The following PLD5 variants were observed in gnomAD, a reference collection of about 807,000 sequenced individuals.
PLD5 encodes phospholipase D family member 5.
In PLD5, 36 loss-of-function variants were observed where a neutral mutation model predicts 61.1. The observed-to-expected ratio is 0.59, with a 90% confidence interval of 0.45 to 0.78. The LOEUF is 0.78. Ranked by LOEUF, PLD5 falls within the 30% of genes least tolerant of loss-of-function variation. The probability of loss-of-function intolerance (pLI) is 0.00; values close to 1 mark genes in which losing one functional copy is unlikely to be tolerated. For synonymous variants in PLD5, 243 were observed against 242.8 expected (o/e 1.00, Z -0.01); for missense variants, 515 against 644.4 (o/e 0.80, Z 2.17).
rs192304701 is a variant in PLD5 at position 242,162,204 on chromosome 1, G to A, written c.736-37539C>T. Among the ~76,000 whole-genome samples the A allele has an allele frequency of 5.3e-5, 8 of 152,248 alleles. No individual in the cohort carries two copies. The East Asian group carries it at 1.5e-3, about 29-fold the overall frequency. On this transcript the variant is annotated intron_variant, in intron 5 of 9. Transcript: ENST00000536534. Reference sequence around the variant, plus strand: ...TGTCAAAAGATTGACATCACAGAACGAAAGAACCAGGAACACTGGAAGCAG... The same window carrying A: ...TGTCAAAAGATTGACATCACAGAACAAAAGAACCAGGAACACTGGAAGCAG...
Position 242,186,498 on chromosome 1 carries a change from A to AT in PLD5, c.735+33489dup, listed in dbSNP as rs199898063. 6.9e-3 allele frequency among the ~76,000 whole-genome samples: 1,048 copies of AT among 151,970 alleles called. 13 individuals are homozygous for AT. Among genetic ancestry groups the AT allele is most frequent in the African/African-American group, 0.023 (974 of 41,450 alleles). On this transcript the variant is annotated intron_variant, in intron 5 of 9. Transcript: ENST00000536534. The stretch of plus-strand genomic sequence containing the variant: ...ATACCTGGCCTGGGCTGTAAGGAAT[A>AT]TATTTTTTTTAAAGTTTCTTTAAAA...
intron 1 of PLD5, among the ~76,000 whole-genome samples, chr1:242,352,985 G>C (rs1297337289): frequency 6.6e-6 from 1 of 152,054 alleles, no homozygotes; most frequent in Admixed American, 6.6e-5. Flanking sequence ...CTAATCCCTA[G>C]GTTGTGTCTT....
intron 1 of PLD5, among the ~76,000 whole-genome samples, chr1:242,444,509 T>G (rs1003717231): frequency 6.6e-6 from 1 of 151,226 alleles, no homozygotes; most frequent in African/African-American, 2.4e-5. Flanking sequence ...ACTCATTACC[T>G]TCAAGCTTCT....
At chr1:242,443,738 C>T (rs930503219) in intron 1 of PLD5, among the ~76,000 whole-genome samples, 2 of 152,168 alleles carry the variant, frequency 1.3e-5, no homozygotes, top group Admixed American at 6.5e-5. Context: ...TTTAAAGTTG[C>T]AGTCAAGGCT....
At chr1:242,197,683 G>A (rs1018986441) in intron 5 of PLD5, among the ~76,000 whole-genome samples, 1 of 150,076 alleles carries the variant, frequency 6.7e-6, no homozygotes, top group Non-Finnish European at 1.5e-5. Flanking sequence ...CCCCCAGGCT[G>A]GAATGCAATG....
intron 1 of PLD5, among the ~76,000 whole-genome samples, chr1:242,453,382 A>T (rs1181438049): frequency 6.6e-6 from 1 of 152,228 alleles, no homozygotes; most frequent in Admixed American, 6.5e-5. Flanking sequence ...TAGCAGCCTA[A>T]ATAGGCTAAG....
chr1:242,417,424 C>CAGAAATTACCACCCTTGTTCT (rs1196209620), intron 1 of PLD5, among the ~76,000 whole-genome samples: 59 of 152,158 alleles, frequency 3.9e-4, no homozygotes, highest in African/African-American at 1.4e-3. Context: ...TCTCACAACC[C>CAGAAATTACCACCCTTGTTCT]AGAAATTACC....
chr1:242,451,242 C>T (rs988180200), intron 1 of PLD5, among the ~76,000 whole-genome samples: 8 of 152,120 alleles, frequency 5.3e-5, no homozygotes, highest in African/African-American at 1.4e-4. Context: ...CAAGGTGCAG[C>T]GTTATTCTTT....
intron 1 of PLD5, among the ~76,000 whole-genome samples, chr1:242,437,949 G>C (rs1413873475): frequency 1.3e-5 from 2 of 152,202 alleles, no homozygotes; most frequent in Middle Eastern, 3.2e-3. Flanking sequence ...GCAACAAATG[G>C]TGCTATCGTA....
intron 1 of PLD5, among the ~76,000 whole-genome samples, chr1:242,408,787 G>A (rs73130397): frequency 0.041 from 6,226 of 152,136 alleles, 428 homozygotes; most frequent in African/African-American, 0.14. Flanking sequence ...TAGAAAAAGC[G>A]GCCAGGCACA....
At chr1:242,254,819 T>A (rs1391046197) in intron 4 of PLD5, among the ~76,000 whole-genome samples, 1 of 152,230 alleles carries the variant, frequency 6.6e-6, no homozygotes, top group Non-Finnish European at 1.5e-5. Flanking sequence ...ATTACGCTGC[T>A]AATTATCACT....
At chr1:242,130,673 G>C (rs79105663) in intron 5 of PLD5, among the ~76,000 whole-genome samples, 1 of 151,960 alleles carries the variant, frequency 6.6e-6, no homozygotes, top group Admixed American at 6.6e-5. Context: ...TCTGCCTGGC[G>C]ATAGGTTGCT....
chr1:242,443,373 C>G (rs892995576), intron 1 of PLD5, among the ~76,000 whole-genome samples: 1 of 152,164 alleles, frequency 6.6e-6, no homozygotes, highest in African/African-American at 2.4e-5. Flanking sequence ...TAGATATGCT[C>G]TCCTTATATC....
At chr1:242,499,309 T>TA (rs1668477042) in intron 1 of PLD5, among the ~76,000 whole-genome samples, 1 of 152,144 alleles carries the variant, frequency 6.6e-6, no homozygotes, top group Non-Finnish European at 1.5e-5. Context: ...CATGGAGAAA[T>TA]AAAAATTGGC....
chr1:242,093,015 A>T (rs1376113454), intron 9 of PLD5, among the ~76,000 whole-genome samples: 4 of 152,074 alleles, frequency 2.6e-5, no homozygotes, highest in African/African-American at 7.2e-5. Context: ...CTGCCCCCTC[A>T]ATAAACAGCA....
At chr1:242,447,135 C>T (rs932337637) in intron 1 of PLD5, among the ~76,000 whole-genome samples, 17 of 152,310 alleles carry the variant, frequency 1.1e-4, no homozygotes, top group African/African-American at 4.1e-4. Flanking sequence ...ACACATTTTC[C>T]TCACTTTGAA....
intron 1 of PLD5, among the ~76,000 whole-genome samples, chr1:242,487,641 C>T (rs947173437): frequency 1.3e-5 from 2 of 152,046 alleles, no homozygotes; most frequent in Non-Finnish European, 2.9e-5. Flanking sequence ...TTGCAAAATA[C>T]ACAACTGATG....
chr1:242,218,765 T>C (rs1273904774), intron 5 of PLD5, among the ~76,000 whole-genome samples: 1 of 152,220 alleles, frequency 6.6e-6, no homozygotes, highest in Non-Finnish European at 1.5e-5. Flanking sequence ...TGGGTTTGAG[T>C]TCCAGCTTTG....
intron 1 of PLD5, among the ~76,000 whole-genome samples, chr1:242,400,339 A>C (rs1663857726): frequency 7.7e-6 from 1 of 129,164 alleles, no homozygotes; most frequent in African/African-American, 2.9e-5. Context: ...TTGCTGGATT[A>C]TGTGGTTTGT....
Sources: allele counts gnomAD v4.1 joint callset (sites outside exome capture counted in the v4.1 genomes callset), GRCh38; gene constraint gnomAD v4.1.1; transcripts MANE v1.5; gene names NCBI Gene and HGNC (gene_info 2026-07-23, HGNC 2026-07-21).